Variants in EPHA6 observed in about 807,000 individuals in gnomAD.
The protein encoded by EPHA6 is ephrin type-A receptor 6.
Under a neutral mutation model 112.0 loss-of-function variants are expected in EPHA6, and 50 were observed. The ratio of observed to expected loss-of-function variants is 0.45; its 90% CI spans 0.36 to 0.56. EPHA6 has a LOEUF of 0.56. Among genes scored for constraint, EPHA6 ranks in the 20% least tolerant of loss-of-function variants. The probability of loss-of-function intolerance (pLI) is 0.00; values close to 1 mark genes in which losing one functional copy is unlikely to be tolerated. For synonymous variants in EPHA6, 529 were observed against 490.7 expected, an observed-to-expected ratio of 1.08 and a Z score of -1.03; for missense variants, 1,280 against 1,417.4, an observed-to-expected ratio of 0.90 and a Z score of 1.56.
chr3:97,310,637 G>GA (rs1241575723), intron 5 of EPHA6, among the ~76,000 whole-genome samples: 1 of 151,562 alleles, frequency 6.6e-6, no homozygotes, highest in Non-Finnish European at 1.5e-5. Flanking sequence ...TCAAATGAGA[G>GA]AAAGAGCATT....
intron 9 of EPHA6, chr3:97,481,614 T>TG: frequency 2.1e-6 from 1 of 484,960 alleles, no homozygotes; most frequent in South Asian, 1.9e-5. Context: ...GAGCAGCTGT[T>TG]GCGCCCTCCC....
chr3:97,006,558 T>G (rs2043888589), intron 3 of EPHA6, among the ~76,000 whole-genome samples: 1 of 152,036 alleles, frequency 6.6e-6, no homozygotes, highest in Non-Finnish European at 1.5e-5. Context: ...AAAAAACAGC[T>G]CCTGGATTCG....
intron 4 of EPHA6, among the ~76,000 whole-genome samples, chr3:97,230,855 GA>G (rs1559814631): frequency 2.6e-5 from 4 of 152,098 alleles, no homozygotes; most frequent in Admixed American, 2.0e-4. Flanking sequence ...TTGTTATGTT[GA>G]TTTAAGTCAG....
At chr3:96,897,875 T>C (rs553850653) in intron 2 of EPHA6, among the ~76,000 whole-genome samples, 1 of 152,304 alleles carries the variant, frequency 6.6e-6, no homozygotes, top group South Asian at 2.1e-4. Flanking sequence ...ATTCCTTCCT[T>C]TGATTATGGA....
At chr3:97,089,392 A>G (rs1441347282) in intron 3 of EPHA6, among the ~76,000 whole-genome samples, 1 of 152,074 alleles carries the variant, frequency 6.6e-6, no homozygotes, top group African/African-American at 2.4e-5. Flanking sequence ...CTTGAGTCAA[A>G]AGTCTATAGG....
rs574050806 is a variant in EPHA6 at position 97,735,714 on chromosome 3, T to C, written c.2935-211T>C. Among the ~76,000 whole-genome samples the C allele has an allele frequency of 6.6e-5, 10 of 152,090 alleles. No homozygotes were observed. In the South Asian group the frequency reaches 1.9e-3, roughly 28 times the overall value. Reference sequence around the variant, plus strand: ...ATACTGGTAGCACATGTTTAAAACATATTTTCCTCTCGTAGGGTGAGCAGA... The same window carrying C: ...ATACTGGTAGCACATGTTTAAAACACATTTTCCTCTCGTAGGGTGAGCAGA... On this transcript the variant is annotated intron_variant, in intron 15 of 17. Coordinates refer to ENST00000389672, the MANE Select transcript of EPHA6 (RefSeq NM_001080448.3).
intron 14 of EPHA6, among the ~76,000 whole-genome samples, chr3:97,703,819 AG>A (rs1225741415): frequency 6.6e-6 from 1 of 152,124 alleles, no homozygotes; most frequent in African/African-American, 2.4e-5. Context: ...ATTTGTTTTC[AG>A]GGGGAAAAAA....
intron 3 of EPHA6, among the ~76,000 whole-genome samples, chr3:97,141,332 T>G (rs1489014576): frequency 6.6e-6 from 1 of 152,054 alleles, no homozygotes; most frequent in Non-Finnish European, 1.5e-5. Flanking sequence ...CTAAGTGGAT[T>G]TAATAGACAT....
chr3:96,952,805 G>A (rs1437163744), intron 2 of EPHA6, among the ~76,000 whole-genome samples: 1 of 152,048 alleles, frequency 6.6e-6, no homozygotes, highest in Admixed American at 6.6e-5. Flanking sequence ...GGAGCAAAAT[G>A]ATAAGAACAC....
intron 3 of EPHA6, among the ~76,000 whole-genome samples, chr3:97,060,298 C>T (rs1400503575): frequency 6.6e-6 from 1 of 152,072 alleles, no homozygotes; most frequent in Non-Finnish European, 1.5e-5. Context: ...TAGAGAGTAA[C>T]ATTTGAATTA....
intron 2 of EPHA6, among the ~76,000 whole-genome samples, chr3:96,982,920 C>T (rs2042858163): frequency 6.6e-6 from 1 of 152,130 alleles, no homozygotes. Context: ...GATCTTCCTC[C>T]ATCCTTTTAT....
intron 1 of EPHA6, among the ~76,000 whole-genome samples, chr3:96,859,745 A>C (rs2035903775): frequency 6.6e-6 from 1 of 152,012 alleles, no homozygotes; most frequent in Non-Finnish European, 1.5e-5. Flanking sequence ...TCTGTTGTCT[A>C]CTGGGATGCA....
chr3:97,245,162 A>T (rs1188405481), intron 5 of EPHA6, among the ~76,000 whole-genome samples: 6 of 152,070 alleles, frequency 3.9e-5, no homozygotes, highest in Admixed American at 2.0e-4. Context: ...AACAAATAAG[A>T]CAGGCTGTGT....
In EPHA6 at chr3:96,969,946, TTTCA is replaced by T. The variant is rs750827160; in HGVS notation, c.451-17382_451-17379del. 1.5e-3 allele frequency among the ~76,000 whole-genome samples: 234 copies of T among 152,206 alleles called. 1 individual carries two copies. Among genetic ancestry groups the T allele is most frequent in the Middle Eastern group, 3.4e-3 (1 of 294 alleles). On this transcript the variant is annotated intron_variant, in intron 2 of 17. Coordinates refer to ENST00000389672, the MANE Select transcript of EPHA6 (RefSeq NM_001080448.3). ...CCAGTTTGAATATTCATTTCATTTA[TTTCA>T]TATGTGATGTTTATAAGAATTATCA...
intron 2 of EPHA6, among the ~76,000 whole-genome samples, chr3:96,983,129 T>G (rs1320042330): frequency 6.6e-6 from 1 of 152,216 alleles, no homozygotes; most frequent in African/African-American, 2.4e-5. Flanking sequence ...CGTTAGTTGA[T>G]GCAGTTTCTT....
At chr3:96,943,499 C>T (rs2041090084) in intron 2 of EPHA6, among the ~76,000 whole-genome samples, 1 of 152,128 alleles carries the variant, frequency 6.6e-6, no homozygotes, top group Non-Finnish European at 1.5e-5. Flanking sequence ...AGTGTAGTGA[C>T]TCTGTTCAGA....
At chr3:96,993,297 T>TC (rs1343718725) in intron 3 of EPHA6, among the ~76,000 whole-genome samples, 15 of 150,188 alleles carry the variant, frequency 1.0e-4, no homozygotes, top group Middle Eastern at 6.9e-3. Flanking sequence ...TATCCCCCAT[T>TC]CTTTTTTTTT....
chr3:97,234,900 A>C (rs553537372), intron 4 of EPHA6, among the ~76,000 whole-genome samples: 1 of 152,044 alleles, frequency 6.6e-6, no homozygotes, highest in African/African-American at 2.4e-5. Context: ...TGTATGTCCT[A>C]TGGAAACCTG....
In EPHA6 at chr3:97,082,756, C is replaced by G. The variant is rs866633058; in HGVS notation, c.1114+94763C>G. Among the ~76,000 whole-genome samples, 3 of 151,684 alleles carry G rather than the reference C, an allele frequency of 2.0e-5. No individual in the cohort carries two copies. In the South Asian group the frequency reaches 6.2e-4, roughly 31 times the overall value. On this transcript the variant is annotated intron_variant, in intron 3 of 17. Coordinates refer to ENST00000389672, the MANE Select transcript of EPHA6 (RefSeq NM_001080448.3). ...TACCCACGAGTATTTAGTCTTTTCT[C>G]TGGCCTGGGGCACAATCAGTACTGC...
Sources: gnomAD v4.1 joint callset for allele counts (sites outside exome capture counted in the v4.1 genomes callset) on GRCh38, gnomAD v4.1.1 for gene constraint, MANE v1.5 for transcripts, NCBI Gene and HGNC (gene_info 2026-07-23, HGNC 2026-07-21) for gene names.